CNTNAP2: variants seen among roughly 807,000 people sequenced by gnomAD.
The protein encoded by CNTNAP2 is contactin associated protein 2, also known as contactin-associated protein-like 2.
In CNTNAP2, 98 loss-of-function variants were observed where a neutral mutation model predicts 155.2. The observed-to-expected ratio is 0.63, with a 90% CI of 0.54 to 0.75. The LOEUF (loss-of-function observed/expected upper bound fraction) is 0.75. CNTNAP2 is among the 30% of genes least tolerant of loss of function. The probability of loss-of-function intolerance (pLI) is 0.00; values close to 1 mark genes in which losing one functional copy is unlikely to be tolerated. For missense variants in CNTNAP2, 1,727 were observed against 1,688.1 expected, an observed-to-expected ratio of 1.02 and a Z score of -0.40; for synonymous variants, 651 against 631.2, an observed-to-expected ratio of 1.03 and a Z score of -0.47.
At chr7:147,661,857 T>G (rs1304058697) in intron 13 of CNTNAP2, among the ~76,000 whole-genome samples, 2 of 152,110 alleles carry the variant, frequency 1.3e-5, no homozygotes, top group Non-Finnish European at 2.9e-5. Flanking sequence ...GGCCCATTGC[T>G]TCTTGATATA....
intron 13 of CNTNAP2, among the ~76,000 whole-genome samples, chr7:147,888,966 A>T (rs1433389587): frequency 6.6e-6 from 1 of 152,136 alleles, no homozygotes; most frequent in Non-Finnish European, 1.5e-5. Context: ...AATTTGTGAT[A>T]TTTAAGGAAA....
At chr7:148,208,088 CAAAAA>C (rs10551518) in intron 18 of CNTNAP2, among the ~76,000 whole-genome samples, 5 of 120,832 alleles carry the variant, frequency 4.1e-5, no homozygotes, top group Admixed American at 8.7e-5. Context: ...GACTCCGTGT[CAAAAA>C]AAAAAAAAAA....
At position 147,801,635 on chromosome 7, in the gene CNTNAP2, T is replaced by TG. The variant is rs1218363300; in HGVS notation, c.2099-101925dup. Among the ~76,000 whole-genome samples, 7 of 152,068 alleles carry TG rather than the reference T, an allele frequency of 4.6e-5. No individual in the cohort carries two copies. The East Asian group carries it at 1.3e-3, about 29-fold the overall frequency. On this transcript the variant is annotated intron_variant, in intron 13 of 23. Coordinates refer to ENST00000361727, the MANE Select transcript of CNTNAP2 (RefSeq NM_014141.6). ...GCATATGTTTCAGAGAGCACAGGGT[T>TG]GGGGGTAAGGTCACCAATCAACAGG...
At chr7:146,755,209 C>T (rs1349029193) in intron 1 of CNTNAP2, among the ~76,000 whole-genome samples, 1 of 151,936 alleles carries the variant, frequency 6.6e-6, no homozygotes, top group Non-Finnish European at 1.5e-5. Context: ...ATATATCTAG[C>T]ATTGGTGTTG....
chr7:146,363,699 C>G (rs1016364135), intron 1 of CNTNAP2, among the ~76,000 whole-genome samples: 1 of 151,992 alleles, frequency 6.6e-6, no homozygotes, highest in African/African-American at 2.4e-5. Context: ...TGTCCATGAC[C>G]CTGAGAAGGG....
chr7:148,006,721 T>C (rs992671878), intron 15 of CNTNAP2, among the ~76,000 whole-genome samples: 11 of 152,162 alleles, frequency 7.2e-5, no homozygotes, highest in Non-Finnish European at 1.3e-4. Flanking sequence ...CTTTTTTTTT[T>C]CTTTAGTTCG....
intron 11 of CNTNAP2, among the ~76,000 whole-genome samples, chr7:147,529,626 C>T (rs539070781): frequency 7.5e-4 from 114 of 152,132 alleles, no homozygotes; most frequent in African/African-American, 2.6e-3. Flanking sequence ...TCTTTCAAAG[C>T]AGAGGCCAGG....
chr7:148,154,681 A>C (rs1805366586), intron 17 of CNTNAP2, among the ~76,000 whole-genome samples: 1 of 152,244 alleles, frequency 6.6e-6, no homozygotes, highest in Admixed American at 6.5e-5. Flanking sequence ...TCACGCCTGT[A>C]ATTTCAGCAC....
intron 23 of CNTNAP2, among the ~76,000 whole-genome samples, chr7:148,410,565 C>CTAAA (rs1799813554): frequency 8.9e-6 from 1 of 112,872 alleles, no homozygotes; most frequent in Non-Finnish European, 1.7e-5. Flanking sequence ...AGACCTTTCT[C>CTAAA]AAAAAAAAAA....
At chr7:148,411,562 G>A (rs541456654) in intron 23 of CNTNAP2, among the ~76,000 whole-genome samples, 13 of 152,016 alleles carry the variant, frequency 8.6e-5, no homozygotes, top group Non-Finnish European at 1.5e-4. Flanking sequence ...CACCGTGCCC[G>A]GCCCCAATCT....
chr7:147,824,970 T>A (rs748665629), intron 13 of CNTNAP2, among the ~76,000 whole-genome samples: 5 of 152,062 alleles, frequency 3.3e-5, no homozygotes, highest in African/African-American at 1.2e-4. Context: ...ACTCAAGTAA[T>A]GGAAAGGAAA....
chr7:148,252,916 T>G (rs1796388971), intron 20 of CNTNAP2, among the ~76,000 whole-genome samples: 1 of 152,068 alleles, frequency 6.6e-6, no homozygotes, highest in African/African-American at 2.4e-5. Flanking sequence ...AAACTTGGAT[T>G]TGACCCCCTT....
intron 3 of CNTNAP2, among the ~76,000 whole-genome samples, chr7:146,870,353 T>C (rs1233612089): frequency 2.0e-5 from 3 of 152,120 alleles, no homozygotes; most frequent in Admixed American, 6.6e-5. Context: ...TTCTAGGTTT[T>C]CTAGTTTGTG....
intron 1 of CNTNAP2, among the ~76,000 whole-genome samples, chr7:146,120,322 G>C (rs1257033997): frequency 6.6e-6 from 1 of 152,094 alleles, no homozygotes; most frequent in Non-Finnish European, 1.5e-5. Context: ...ATAAAGCATA[G>C]CACATTATTT....
At chr7:148,271,841 C>T (rs912242257) in intron 21 of CNTNAP2, among the ~76,000 whole-genome samples, 1 of 152,170 alleles carries the variant, frequency 6.6e-6, no homozygotes, top group African/African-American at 2.4e-5. Context: ...AAAAATCCAT[C>T]TGTACAGACA....
At chr7:147,761,621 G>A (rs185308443) in intron 13 of CNTNAP2, among the ~76,000 whole-genome samples, 4 of 152,122 alleles carry the variant, frequency 2.6e-5, no homozygotes, top group Non-Finnish European at 4.4e-5. Flanking sequence ...CACAGATGCT[G>A]TACTCGAGGA....
intron 21 of CNTNAP2, among the ~76,000 whole-genome samples, chr7:148,273,212 TA>T (rs1232013609): frequency 1.3e-5 from 2 of 152,346 alleles, no homozygotes; most frequent in African/African-American, 4.8e-5. Flanking sequence ...AGATATAGCC[TA>T]AATAAACTTT....
intron 11 of CNTNAP2, among the ~76,000 whole-genome samples, chr7:147,486,299 ATTGGAAGTCCAAAC>A (rs561897733): frequency 1.5e-3 from 221 of 152,308 alleles, no homozygotes; most frequent in African/African-American, 5.0e-3. Flanking sequence ...CATAGTTGAG[ATTGGAAGTCCAAAC>A]TTGGATTCGC....
chr7:146,237,346 C>T (rs2116922724), intron 1 of CNTNAP2, among the ~76,000 whole-genome samples: 1 of 152,254 alleles, frequency 6.6e-6, no homozygotes, highest in African/African-American at 2.4e-5. Flanking sequence ...CACATGGAGG[C>T]AAAGGTAGCC....
Sources: allele counts gnomAD v4.1 joint callset (sites outside exome capture counted in the v4.1 genomes callset), GRCh38; gene constraint gnomAD v4.1.1; transcripts MANE v1.5; gene names NCBI Gene and HGNC (gene_info 2026-07-23, HGNC 2026-07-21).